The following PDLIM1 variants were observed in gnomAD, a reference collection of about 807,000 sequenced individuals.
PDLIM1 encodes the protein PDZ and LIM domain 1.
Under a neutral mutation model 35.2 loss-of-function variants are expected in PDLIM1, and 25 were observed. That is an observed-to-expected ratio of 0.71 (90% CI 0.52 to 0.99). The LOEUF (loss-of-function observed/expected upper bound fraction) is 0.99. Among genes scored for constraint, PDLIM1 ranks in the 50% least tolerant of loss-of-function variants. The pLI, the probability that PDLIM1 is intolerant of heterozygous loss-of-function variation, is 0.00. For synonymous variants in PDLIM1, 152 were observed against 154.0 expected, an observed-to-expected ratio of 0.99 and a Z score of 0.10; for missense variants, 363 against 415.3, an observed-to-expected ratio of 0.87 and a Z score of 1.09.
chr10:95,247,480 C>A, intron 4 of PDLIM1, 114 bp from the exon 5 acceptor site: 1 of 831,300 alleles, frequency 1.2e-6, no homozygotes, highest in East Asian at 2.6e-5. Flanking sequence ...GAAATGATCT[C>A]AAAGCCCTCT....
chr10:95,253,818 A>G (rs2035287831), intron 4 of PDLIM1, among the ~76,000 whole-genome samples: 2 of 152,214 alleles, frequency 1.3e-5, no homozygotes, highest in Admixed American at 1.3e-4. Flanking sequence ...CTAAGTGTAT[A>G]AAAGGATCTA....
At position 95,247,473 on chromosome 10, in the gene PDLIM1, A is replaced by G. The variant is rs991842340; in HGVS notation, c.534-107T>C. 4 of 887,618 alleles carry G rather than the reference A, an allele frequency of 4.5e-6. No homozygotes were observed. In the Admixed American group the frequency reaches 9.8e-5, roughly 22 times the overall value. 55.0% of individuals were successfully genotyped at this position (887,618 alleles called of 1,614,324 possible). A position where few individuals can be genotyped will look rare whatever the true frequency, so the allele number is the denominator to read the frequency against. Reference sequence around the variant, plus strand: ...CTGCTGATTTGAAGGATGGATAGAAATGATCTCAAAGCCCTCTCCTAAATC... The same window carrying G: ...CTGCTGATTTGAAGGATGGATAGAAGTGATCTCAAAGCCCTCTCCTAAATC... On this transcript the variant is annotated intron_variant, in intron 4 of 6. Coordinates refer to ENST00000329399, the MANE Select transcript of PDLIM1 (RefSeq NM_020992.4).
chr10:95,271,041 CACCTGGCCAGG>C (rs929866669), intron 2 of PDLIM1, among the ~76,000 whole-genome samples: 2 of 151,892 alleles, frequency 1.3e-5, no homozygotes, highest in African/African-American at 4.8e-5. Context: ...AGAGCCACCG[CACCTGGCCAGG>C]ACATTTTACT....
chr10:95,248,101 G>A (rs899877547), intron 4 of PDLIM1, among the ~76,000 whole-genome samples: 1 of 152,200 alleles, frequency 6.6e-6, no homozygotes, highest in Non-Finnish European at 1.5e-5. Context: ...CTAAGCAGTG[G>A]ACGGTGACAG....
intron 5 of PDLIM1, among the ~76,000 whole-genome samples, chr10:95,242,268 C>T (rs1305215438): frequency 1.3e-5 from 2 of 152,216 alleles, no homozygotes; most frequent in African/African-American, 4.8e-5. Flanking sequence ...TCCTCCCTTC[C>T]TTTGGGAGGA....
intron 5 of PDLIM1, among the ~76,000 whole-genome samples, chr10:95,241,693 T>C (rs770497353): frequency 3.9e-5 from 6 of 152,204 alleles, no homozygotes; most frequent in Non-Finnish European, 7.3e-5. Flanking sequence ...GTGAGCCTTA[T>C]ACAGGCAAAA....
At chr10:95,247,018 G>C (rs1299139712) in intron 5 of PDLIM1, among the ~76,000 whole-genome samples, 197 bp downstream of exon 5, 2 of 152,054 alleles carry the variant, frequency 1.3e-5, no homozygotes, top group Admixed American at 6.5e-5. Flanking sequence ...TACAGACCCA[G>C]ATGGGAAAAT....
intron 1 of PDLIM1, among the ~76,000 whole-genome samples, chr10:95,278,388 C>T (rs962509897): frequency 6.6e-6 from 1 of 152,182 alleles, no homozygotes; most frequent in Non-Finnish European, 1.5e-5. Context: ...AGGAACCACA[C>T]AAGGCACTGG....
chr10:95,262,772 G>C (rs1396371621), intron 4 of PDLIM1, among the ~76,000 whole-genome samples: 2 of 152,162 alleles, frequency 1.3e-5, no homozygotes, highest in Non-Finnish European at 2.9e-5. Context: ...GGGATTCCCA[G>C]TGTTTCTGGA....
At chr10:95,248,568 G>C (rs905126532) in intron 4 of PDLIM1, among the ~76,000 whole-genome samples, 3 of 152,212 alleles carry the variant, frequency 2.0e-5, no homozygotes, top group Admixed American at 2.0e-4. Flanking sequence ...TTTTAAACAT[G>C]AATCAGACTG....
intron 4 of PDLIM1, among the ~76,000 whole-genome samples, chr10:95,252,458 A>C (rs1342423111): frequency 2.0e-5 from 3 of 152,228 alleles, no homozygotes; most frequent in African/African-American, 7.2e-5. Flanking sequence ...TTTTAATGCG[A>C]TCCAGAATCT....
At chr10:95,246,399 C>T (rs139115733) in intron 5 of PDLIM1, among the ~76,000 whole-genome samples, 24 of 152,286 alleles carry the variant, frequency 1.6e-4, no homozygotes, top group African/African-American at 4.6e-4. Context: ...AATAAATGTA[C>T]GTTACATAAT....
intron 4 of PDLIM1, among the ~76,000 whole-genome samples, chr10:95,251,518 A>G (rs2035267856): frequency 6.6e-6 from 1 of 152,194 alleles, no homozygotes; most frequent in South Asian, 2.1e-4. Flanking sequence ...AGAAGTTGCT[A>G]AAACAAGACA....
At chr10:95,285,769 TC>T (rs750572820) in intron 1 of PDLIM1, among the ~76,000 whole-genome samples, 1 of 152,190 alleles carries the variant, frequency 6.6e-6, no homozygotes, top group Non-Finnish European at 1.5e-5. Flanking sequence ...CTCAGTTCCC[TC>T]ATCTGTAAAA....
intron 1 of PDLIM1, among the ~76,000 whole-genome samples, chr10:95,275,370 CCT>C (rs2035501982): frequency 1.3e-5 from 2 of 152,132 alleles, no homozygotes; most frequent in African/African-American, 2.4e-5. Flanking sequence ...TTGCAAATCC[CCT>C]GTCTTGATAA....
At chr10:95,280,177 A>G (rs1564606160) in intron 1 of PDLIM1, among the ~76,000 whole-genome samples, 1 of 152,172 alleles carries the variant, frequency 6.6e-6, no homozygotes, top group Non-Finnish European at 1.5e-5. Context: ...GGAGTTCAAG[A>G]CCAGCCTGGC....
intron 6 of PDLIM1, 98 bp from the exon 7 acceptor site, chr10:95,238,209 GCTTCT>G: frequency 4.5e-6 from 5 of 1,101,476 alleles, no homozygotes; most frequent in Non-Finnish European, 5.2e-6. Flanking sequence ...GGGGCCTGGG[GCTTCT>G]CCCCAGGAAC....
intron 4 of PDLIM1, among the ~76,000 whole-genome samples, chr10:95,249,935 C>A (rs1017443082): frequency 1.3e-5 from 2 of 152,216 alleles, no homozygotes; most frequent in Non-Finnish European, 2.9e-5. Context: ...GCTATCCCTG[C>A]CTGTCCTGCC....
intron 4 of PDLIM1, among the ~76,000 whole-genome samples, chr10:95,251,492 C>A (rs1187501465): frequency 6.6e-6 from 1 of 152,058 alleles, no homozygotes; most frequent in African/African-American, 2.4e-5. Context: ...AGTAGAATCG[C>A]TTGAACCTAG....
Sources: gnomAD v4.1 joint callset for allele counts (sites outside exome capture counted in the v4.1 genomes callset) on GRCh38, gnomAD v4.1.1 for gene constraint, MANE v1.5 for transcripts, NCBI Gene and HGNC (gene_info 2026-07-23, HGNC 2026-07-21) for gene names.